The following NLRC5 variants were observed in gnomAD, a reference collection of about 807,000 sequenced individuals.
The protein encoded by NLRC5 is protein NLRC5.
A neutral mutation model predicts 206.9 loss-of-function variants in NLRC5; 114 were observed. That is an observed-to-expected ratio of 0.55 (90% confidence interval 0.47 to 0.64). The LOEUF (loss-of-function observed/expected upper bound fraction) is 0.64, where lower values mean the gene tolerates loss of function less well. Among genes scored for constraint, NLRC5 ranks in the 30% least tolerant of loss-of-function variants. NLRC5 has a pLI of 0.00. For missense variants in NLRC5, 2,008 were observed against 2,305.5 expected (o/e 0.87, Z 2.64); for synonymous variants, 952 against 962.8 (o/e 0.99, Z 0.21).
At chr16:57,020,291 T>G in intron 2 of NLRC5, among the ~76,000 whole-genome samples, 2 of 119,320 alleles carry the variant, frequency 1.7e-5, no homozygotes, top group African/African-American at 3.3e-5. Context: ...GTCCCCCAAA[T>G]CACCTGCCCC....
At chr16:57,078,466 G>GTTTTTTTTTTGT (rs2068695832) in intron 43 of NLRC5, among the ~76,000 whole-genome samples, 2 of 92,190 alleles carry the variant, frequency 2.2e-5, no homozygotes, top group African/African-American at 1.0e-4. Context: ...CTGGGACCTT[G>GTTTTTTTTTTGT]TTTTTTTTTT....
At position 57,047,539 on chromosome 16, in the gene NLRC5, T is replaced by C. The variant is rs2064162413; in HGVS notation, c.3339-6T>C. On this transcript the variant is annotated splice_region_variant and splice_polypyrimidine_tract_variant and intron_variant, in intron 22 of 48. Transcript: ENST00000688547. ...ATTCCCTGCCCTGCCCATTGCCCCT[T>C]TGCAGCCTCAGTGAGTGTCCTCTGG... 6.2e-7 allele frequency: 1 copy of C among 1,610,944 alleles called. No homozygotes were observed. Among genetic ancestry groups the C allele is most frequent in the Non-Finnish European group, 8.5e-7 (1 of 1,178,736 alleles).
chr16:57,070,248 G>GTGTGT (rs1555538448), intron 37 of NLRC5, among the ~76,000 whole-genome samples: 2 of 149,932 alleles, frequency 1.3e-5, no homozygotes, highest in African/African-American at 4.9e-5. Flanking sequence ...AGAACAAGAG[G>GTGTGT]GTGTGTGTGT....
intron 4 of NLRC5, among the ~76,000 whole-genome samples, chr16:57,022,942 T>C (rs536521352): frequency 3.3e-5 from 5 of 152,350 alleles, no homozygotes; most frequent in African/African-American, 1.2e-4. Context: ...CCTGGTCCAA[T>C]AGGCCCGCAT....
rs1283868873 is a variant in NLRC5, at chr16:57,047,726, C to T, written c.3422+98C>T. On this transcript the variant is annotated intron_variant, in intron 23 of 48. Coordinates refer to ENST00000688547, the MANE Select transcript of NLRC5 (RefSeq NM_001384950.1). ...GGTTAGAAGACAGGTGAGTCTTTCT[C>T]GATTTCTTCCCACCAGCCCTGCCCC... is the stretch of plus-strand genomic sequence containing the variant. 1.4e-5 allele frequency: 15 copies of T among 1,034,832 alleles called. No homozygotes were observed. In the Middle Eastern group the frequency reaches 6.2e-4, roughly 43 times the overall value. The allele number at this position is 1,034,832 out of a possible 1,614,324, so 64.1% of individuals were successfully genotyped here.
intron 45 of NLRC5, 80 bp from the exon 46 acceptor site, chr16:57,079,465 TG>T: frequency 7.2e-7 from 1 of 1,387,168 alleles, no homozygotes; most frequent in Non-Finnish European, 1.0e-6. Flanking sequence ...CCCCAGACCC[TG>T]GTGGCTCTGG....
chr16:57,021,046 G>A, intron 3 of NLRC5, 39 bp downstream of exon 3: 1 of 1,594,134 alleles, frequency 6.3e-7, no homozygotes, highest in Non-Finnish European at 8.6e-7. Context: ...AGCCGGGCCA[G>A]TACCTGCGTC....
chr16:57,039,243 T>G (rs2062982164), intron 15 of NLRC5, among the ~76,000 whole-genome samples: 1 of 152,146 alleles, frequency 6.6e-6, no homozygotes, highest in African/African-American at 2.4e-5. Flanking sequence ...AACACAGAAT[T>G]TGTTTTCTTT....
At chr16:57,006,023 G>A (rs1032837700) in intron 1 of NLRC5, among the ~76,000 whole-genome samples, 4 of 151,222 alleles carry the variant, frequency 2.6e-5, no homozygotes, top group Non-Finnish European at 4.4e-5. Flanking sequence ...TTTGAGACAG[G>A]GTCTCACTCT....
intron 26 of NLRC5, 40 bp downstream of exon 26, chr16:57,055,134 T>TAGATC: frequency 6.2e-7 from 1 of 1,609,064 alleles, no homozygotes; most frequent in South Asian, 1.1e-5. Flanking sequence ...CTAGTTGATG[T>TAGATC]TGGGGACCAG....
chr16:57,078,781 CT>C (rs1437711876), intron 43 of NLRC5, among the ~76,000 whole-genome samples: 5 of 152,118 alleles, frequency 3.3e-5, no homozygotes, highest in East Asian at 1.9e-4. Context: ...GGTGCTGGGA[CT>C]TTTATGTGCT....
chr16:57,066,277 C>A (rs1472466106), intron 33 of NLRC5, among the ~76,000 whole-genome samples: 1 of 151,572 alleles, frequency 6.6e-6, no homozygotes, highest in Non-Finnish European at 1.5e-5. Context: ...TGCACTTCAG[C>A]CTGGGCTACA....
intron 38 of NLRC5, among the ~76,000 whole-genome samples, chr16:57,071,722 G>C (rs1343890102): frequency 2.1e-5 from 3 of 145,934 alleles, no homozygotes; most frequent in Non-Finnish European, 4.5e-5. Context: ...TGGTTAATGG[G>C]GAAGGGGGTG....
chr16:57,044,191 G>A (rs1191222343), intron 20 of NLRC5, among the ~76,000 whole-genome samples: 1 of 151,294 alleles, frequency 6.6e-6, no homozygotes, highest in Non-Finnish European at 1.5e-5. Flanking sequence ...AGCCCTTGTA[G>A]TGCCAGCCGC....
chr16:57,020,840 C>A lies in NLRC5; in HGVS notation c.128C>A (p.Ser43Tyr). The stretch of plus-strand genomic sequence containing the variant: ...TTCCTCCCCAACACGGACCTGGATT[C>A]CAGGAACGAGACCTTGGACCCTGAA... The part of the protein sequence containing the change: ...KFFLPNTDLD[S>Y]RNETLDPEQR... Residue 43 changes from serine to tyrosine, a missense_variant, in exon 3 of 49, where the codon TCC (serine) becomes TAC (tyrosine). Transcript: ENST00000688547. 6.2e-7 allele frequency: 1 copy of A among 1,613,612 alleles called. No homozygotes were observed. Among genetic ancestry groups the A allele is most frequent in the African/African-American group, 1.3e-5 (1 of 74,868 alleles).
intron 22 of NLRC5, 39 bp downstream of exon 22, chr16:57,046,680 T>C: frequency 6.4e-7 from 1 of 1,557,726 alleles, no homozygotes; most frequent in Non-Finnish European, 8.8e-7. Context: ...GTAACCATAA[T>C]AGGGATGAGG....
chr16:57,073,993 T>A (rs1163039788), intron 38 of NLRC5, among the ~76,000 whole-genome samples: 1 of 152,260 alleles, frequency 6.6e-6, no homozygotes. Context: ...TCTCCCCTGC[T>A]ACGGTTGTTG....
chr16:57,078,470 T>TTCTTTTG, intron 43 of NLRC5, among the ~76,000 whole-genome samples: 1 of 128,766 alleles, frequency 7.8e-6, no homozygotes, highest in South Asian at 2.7e-4. Context: ...GACCTTGTTT[T>TTCTTTTG]TTTTTTTTTT....
intron 1 of NLRC5, chr16:57,013,709 G>T: frequency 1.3e-6 from 1 of 764,546 alleles, no homozygotes. Context: ...ATGCTCCTTT[G>T]GTGGTTGTGC....
Sources: gnomAD v4.1 joint callset for allele counts (sites outside exome capture counted in the v4.1 genomes callset) on GRCh38, gnomAD v4.1.1 for gene constraint, MANE v1.5 for transcripts, NCBI Gene and HGNC (gene_info 2026-07-23, HGNC 2026-07-21) for gene names.